The following GNAI1 variants were observed in gnomAD, a reference collection of about 807,000 sequenced individuals.
The protein encoded by GNAI1 is G protein subunit alpha i1.
In GNAI1, 11 loss-of-function variants were observed where a neutral mutation model predicts 38.9. That is an observed-to-expected ratio of 0.28 (90% CI 0.18 to 0.47). GNAI1 has a LOEUF of 0.47. Ranked by LOEUF, GNAI1 falls within the 20% of genes least tolerant of loss-of-function variation. The pLI, the probability that GNAI1 is intolerant of heterozygous loss-of-function variation, is 0.99. For missense variants in GNAI1, 317 were observed against 436.9 expected, an observed-to-expected ratio of 0.73 and a Z score of 2.45; for synonymous variants, 166 against 145.1, an observed-to-expected ratio of 1.14 and a Z score of -1.04.
chr7:80,211,226 A>G (rs190761866), intron 6 of GNAI1, 128 bp downstream of exon 6: 3 of 737,112 alleles, frequency 4.1e-6, no homozygotes, highest in Non-Finnish European at 6.5e-6. Flanking sequence ...CTATTTGATA[A>G]AAGAGAGATA....
intron 3 of GNAI1, among the ~76,000 whole-genome samples, chr7:80,192,781 C>T (rs918345995): frequency 4.6e-5 from 7 of 152,030 alleles, no homozygotes; most frequent in South Asian, 2.1e-4. Context: ...CTGCAACCTC[C>T]GCCTTCCTGG....
intron 4 of GNAI1, among the ~76,000 whole-genome samples, chr7:80,200,660 G>T (rs1008123207): frequency 6.6e-6 from 1 of 152,088 alleles, no homozygotes; most frequent in African/African-American, 2.4e-5. Context: ...ATCAGACTAG[G>T]TACTATATGT....
At chr7:80,189,355 ATAGAAGTGAGTGAAATGAGGAGCGT>A (rs1236921450) in intron 3 of GNAI1, 124 bp downstream of exon 3, 26 of 794,490 alleles carry the variant, frequency 3.3e-5, no homozygotes, top group South Asian at 1.3e-4. Context: ...AACCAAAAGG[ATAGAAGTGAGTGAAATGAGGAGCGT>A]TAGAAGTGAG....
At chr7:80,184,565 A>C (rs1360497276) in intron 1 of GNAI1, among the ~76,000 whole-genome samples, 1 of 152,200 alleles carries the variant, frequency 6.6e-6, no homozygotes, top group African/African-American at 2.4e-5. Context: ...CTTAATGTGC[A>C]TGCTTGAGCT....
chr7:80,201,659 G>C (rs942829470), intron 4 of GNAI1, among the ~76,000 whole-genome samples: 6 of 152,136 alleles, frequency 3.9e-5, no homozygotes, highest in African/African-American at 1.4e-4. Flanking sequence ...AGAAGGTTGA[G>C]GCTATAGTGA....
At chr7:80,202,789 A>T (rs999004819) in intron 4 of GNAI1, among the ~76,000 whole-genome samples, 1 of 152,158 alleles carries the variant, frequency 6.6e-6, no homozygotes, top group South Asian at 2.1e-4. Flanking sequence ...ACTCATTCCA[A>T]ACTCCTCATT....
At chr7:80,216,915 A>G (rs2115725250) in intron 7 of GNAI1, among the ~76,000 whole-genome samples, 1 of 152,224 alleles carries the variant, frequency 6.6e-6, no homozygotes, top group African/African-American at 2.4e-5. Flanking sequence ...TTCAGCCAAC[A>G]TTTTTTGATC....
At chr7:80,204,680 C>T (rs969547038) in intron 5 of GNAI1, among the ~76,000 whole-genome samples, 1 of 152,118 alleles carries the variant, frequency 6.6e-6, no homozygotes, top group African/African-American at 2.4e-5. Flanking sequence ...TGACTTTCTT[C>T]TTCTAAAATG....
Position 80,135,187 on chromosome 7 carries a change from C to G in GNAI1, c.27C>G (p.Asp9Glu), listed in dbSNP as rs760895601. The G allele has an allele frequency of 6.5e-7, 1 of 1,549,212 alleles. No homozygotes were observed. Among genetic ancestry groups the G allele is most frequent in the East Asian group, 2.6e-5 (1 of 38,886 alleles). The change falls in exon 1 of 8, where the codon GAC becomes GAG. Residue 9 changes from aspartate to glutamate, a missense_variant. By Grantham distance (45) the Asp-to-Glu change is conservative. Coordinates refer to ENST00000649796, the MANE Select transcript of GNAI1 (RefSeq NM_002069.6). Reference protein sequence around the residue: MGCTLSAEDKAAVERSKMI... With the variant: MGCTLSAEEKAAVERSKMI... ...TGGGCTGCACGCTGAGCGCCGAGGA[C>G]AAGGCGGCGGTGGAGCGGAGTAAGA...
At position 80,225,358 on chromosome 7, in the gene GNAI1, C is replaced by G. The variant is rs1789141666; in HGVS notation, c.*7865C>G. Among the ~76,000 whole-genome samples the G allele has an allele frequency of 6.6e-6, 1 of 152,052 alleles. No homozygotes were observed. ...ATACATGGAGGGGGAGTTGACCCTTCAAGATACTGGAAAATTATTAAATCC... is the reference window on the plus strand; with the variant it reads ...ATACATGGAGGGGGAGTTGACCCTTGAAGATACTGGAAAATTATTAAATCC... On this transcript the variant is annotated 3_prime_UTR_variant, in exon 8 of 8. Coordinates refer to ENST00000649796, the MANE Select transcript of GNAI1 (RefSeq NM_002069.6).
At chr7:80,153,599 T>C (rs1787765684) in intron 1 of GNAI1, among the ~76,000 whole-genome samples, 1 of 152,202 alleles carries the variant, frequency 6.6e-6, no homozygotes, top group Admixed American at 6.5e-5. Flanking sequence ...GGAGTGTTTC[T>C]GGTGAGTTTG....
chr7:80,181,852 T>G (rs1245770484), intron 1 of GNAI1, among the ~76,000 whole-genome samples: 1 of 152,194 alleles, frequency 6.6e-6, no homozygotes, highest in Non-Finnish European at 1.5e-5. Flanking sequence ...AATTAACGTA[T>G]CCATCATCTT....
At chr7:80,155,453 G>C (rs1407036917) in intron 1 of GNAI1, among the ~76,000 whole-genome samples, 1 of 152,146 alleles carries the variant, frequency 6.6e-6, no homozygotes, top group African/African-American at 2.4e-5. Context: ...AGAGTTTTCA[G>C]TGATTTCCGT....
chr7:80,148,492 C>T (rs185810525), intron 1 of GNAI1, among the ~76,000 whole-genome samples: 4 of 150,114 alleles, frequency 2.7e-5, no homozygotes, highest in South Asian at 4.2e-4. Flanking sequence ...TATATGTCGA[C>T]GTTTATGTCC....
At chr7:80,188,917 G>T (rs370926294) in intron 1 of GNAI1, 34 bp from the exon 2 acceptor site, 1 of 1,424,654 alleles carries the variant, frequency 7.0e-7, no homozygotes. Context: ...TGATTATGAT[G>T]AAATTAGAAA....
At chr7:80,213,813 T>C (rs1190253093) in intron 7 of GNAI1, among the ~76,000 whole-genome samples, 2 of 151,844 alleles carry the variant, frequency 1.3e-5, no homozygotes, top group African/African-American at 4.8e-5. Context: ...TTGAAGAGTT[T>C]AGTTATTTAC....
rs1789116730 is a variant in GNAI1, at chr7:80,223,725, C to T, written c.*6232C>T. On this transcript the variant is annotated 3_prime_UTR_variant, in exon 8 of 8. Coordinates refer to ENST00000649796, the MANE Select transcript of GNAI1 (RefSeq NM_002069.6). ...CCTGTTTACAAATATAAGTAATTACCTTTCCGTTTTAAGTGACCAATTGTC... is the reference window on the plus strand; with the variant it reads ...CCTGTTTACAAATATAAGTAATTACTTTTCCGTTTTAAGTGACCAATTGTC... 6.6e-6 allele frequency among the ~76,000 whole-genome samples: 1 copy of T among 152,122 alleles called. No homozygotes were observed. The highest frequency in any genetic ancestry group is 1.5e-5 in the Non-Finnish European group (1 of 68,032).
At chr7:80,200,774 A>G (rs560479328) in intron 4 of GNAI1, among the ~76,000 whole-genome samples, 1 of 144,214 alleles carries the variant, frequency 6.9e-6, no homozygotes, top group African/African-American at 2.8e-5. Context: ...TTACACTTGT[A>G]TTAACCATAT....
chr7:80,194,940 G>T (rs1788543008), intron 3 of GNAI1, among the ~76,000 whole-genome samples: 1 of 151,800 alleles, frequency 6.6e-6, no homozygotes, highest in African/African-American at 2.4e-5. Context: ...TAGTATTCTG[G>T]TTTATGTTTG....
Sources: gnomAD v4.1 joint callset for allele counts (sites outside exome capture counted in the v4.1 genomes callset) on GRCh38, gnomAD v4.1.1 for gene constraint, MANE v1.5 for transcripts, NCBI Gene and HGNC (gene_info 2026-07-23, HGNC 2026-07-21) for gene names.